CR1: variants seen among roughly 807,000 people sequenced by gnomAD.
CR1 encodes complement C3b/C4b receptor 1 (Knops blood group), also known as complement receptor type 1.
In CR1, 116 loss-of-function variants were observed where a neutral mutation model predicts 187.3. That is an observed-to-expected ratio of 0.62 (90% CI 0.53 to 0.72). CR1 has a LOEUF of 0.72. Ranked by LOEUF, CR1 falls within the 30% of genes least tolerant of loss-of-function variation. The pLI, the probability that CR1 is intolerant of heterozygous loss-of-function variation, is 0.00. For missense variants in CR1, 1,731 were observed against 2,110.7 expected, an observed-to-expected ratio of 0.82 and a Z score of 3.52; for synonymous variants, 576 against 747.1, an observed-to-expected ratio of 0.77 and a Z score of 3.73.
At chr1:207,597,810 G>C (rs1037533466) in intron 35 of CR1, among the ~76,000 whole-genome samples, 2 of 152,184 alleles carry the variant, frequency 1.3e-5, no homozygotes, top group Non-Finnish European at 2.9e-5. Flanking sequence ...GTCCGTAGCA[G>C]CTTTGTTCAA....
At chr1:207,564,868 A>C (rs1332420709) in intron 23 of CR1, among the ~76,000 whole-genome samples, 1 of 150,448 alleles carries the variant, frequency 6.6e-6, no homozygotes, top group Non-Finnish European at 1.5e-5. Context: ...GAAAAATTGC[A>C]AGTAATGAAA....
intron 35 of CR1, among the ~76,000 whole-genome samples, chr1:207,593,286 G>A (rs566838471): frequency 6.6e-6 from 1 of 151,958 alleles, no homozygotes; most frequent in Non-Finnish European, 1.5e-5. Flanking sequence ...CAGAACAGAG[G>A]CCTCAGAAAT....
At chr1:207,590,285 A>G (rs143923368) in intron 35 of CR1, among the ~76,000 whole-genome samples, 3,256 of 152,314 alleles carry the variant, frequency 0.021, 64 homozygotes, top group Non-Finnish European at 0.029. Context: ...TACAAGCCAG[A>G]AGAGAGTGGG....
At chr1:207,603,576 G>C (rs1661665783) in intron 35 of CR1, among the ~76,000 whole-genome samples, 1 of 152,012 alleles carries the variant, frequency 6.6e-6, no homozygotes, top group Admixed American at 6.6e-5. Flanking sequence ...AGATGAGTAA[G>C]ATTTTAACAG....
chr1:207,636,885 G>A (rs1662831059), intron 46 of CR1, among the ~76,000 whole-genome samples: 1 of 152,172 alleles, frequency 6.6e-6, no homozygotes, highest in Non-Finnish European at 1.5e-5. Context: ...TTGAATAAAT[G>A]CAAGTAAACA....
At chr1:207,627,380 G>A (rs983889475) in intron 45 of CR1, among the ~76,000 whole-genome samples, 6 of 152,190 alleles carry the variant, frequency 3.9e-5, no homozygotes, top group African/African-American at 1.4e-4. Context: ...CTGGGACAAA[G>A]AGAGTCTCAA....
At position 207,601,968 on chromosome 1, in the gene CR1, G is replaced by C. The variant is rs567301007; in HGVS notation, c.5811-5283G>C. ...TCCAAAGGACAGCTGGCCTCTCCCAGAATGAGCATCTCAAAAAGAGAAGAA... is the reference window on the plus strand; with the variant it reads ...TCCAAAGGACAGCTGGCCTCTCCCACAATGAGCATCTCAAAAAGAGAAGAA... On this transcript the variant is annotated intron_variant, in intron 35 of 46. Transcript: ENST00000367049. Among the ~76,000 whole-genome samples the C allele has an allele frequency of 2.6e-5, 4 of 152,138 alleles. No individual in the cohort carries two copies. In the East Asian group the frequency reaches 7.7e-4, roughly 29 times the overall value.
rs752479865 is a variant in CR1, at chr1:207,584,642, T to C, written c.5303-7T>C. ...TATGGAATTGAGAGCTCTTGTTTTC[T>C]TTCTAGATATCTTTTGTCCAAATCC... On this transcript the variant is annotated splice_polypyrimidine_tract_variant and splice_region_variant and intron_variant, in intron 32 of 46. Transcript: ENST00000367049. The C allele has an allele frequency of 1.1e-5, 18 of 1,612,278 alleles. No individual in the cohort carries two copies. The highest frequency in any genetic ancestry group is 1.7e-4 in the Middle Eastern group (1 of 6,056).
At chr1:207,565,962 C>G (rs1446839731) in intron 24 of CR1, 39 bp downstream of exon 24, 3 of 1,608,558 alleles carry the variant, frequency 1.9e-6, no homozygotes, top group Middle Eastern at 3.3e-4. Flanking sequence ...AATCTCTCCC[C>G]TTCATCTGTT....
Position 207,587,518 on chromosome 1 carries a change from C to T in CR1, c.5663C>T (p.Ser1888Phe), listed in dbSNP as rs760533167. ...TATTTTGGGAAAATGTTCTCTATCT[C>T]CTGCCTAGAAAACTTGGTCTGGTCA... Reference protein sequence around the residue: ...PGYFGKMFSISCLENLVWSSV... With the variant: ...PGYFGKMFSIFCLENLVWSSV... Residue 1888 changes from serine to phenylalanine, a missense_variant, in exon 34 of 47, where the codon TCC (serine) becomes TTC (phenylalanine). Physicochemically the swap from Ser to Phe is radical, Grantham distance 155 (BLOSUM62 -2). Coordinates refer to ENST00000367049, the MANE Select transcript of CR1 (RefSeq NM_000651.6). The T allele has an allele frequency of 1.2e-4, 195 of 1,613,830 alleles. No individual in the cohort carries two copies. Among genetic ancestry groups the T allele is most frequent in the Non-Finnish European group, 1.6e-4 (188 of 1,179,854 alleles).
intron 46 of CR1, among the ~76,000 whole-genome samples, chr1:207,631,283 C>A (rs771634146): frequency 2.6e-5 from 4 of 152,148 alleles, no homozygotes; most frequent in Non-Finnish European, 5.9e-5. Context: ...AACTAGTACA[C>A]CAGGGACCTG....
chr1:207,621,996 G>C lies in CR1; in HGVS notation c.7276G>C (p.Gly2426Arg). Residue 2426 changes from glycine (G) to arginine (R), a missense_variant and splice_region_variant, in exon 44 of 47, where the codon GGC becomes CGC. This residue lies in a region of CR1 where 1,312 missense variants were observed against 1,379.6 expected (regional missense o/e 0.95). Transcript: ENST00000367049. The stretch of plus-strand genomic sequence containing the variant: ...AGGTACACATGATGCTCTCATAGTT[G>C]GTAAGTTTTATGAAAGTTTTGCTGA... ...TSRTHDALIV[G>R]TLSGTIFFIL... is the part of the protein sequence containing the mutation. 6.3e-7 allele frequency: 1 copy of C among 1,596,448 alleles called. No individual in the cohort carries two copies. The highest frequency in any genetic ancestry group is 8.5e-7 in the Non-Finnish European group (1 of 1,169,884).
intron 35 of CR1, among the ~76,000 whole-genome samples, chr1:207,601,390 A>G (rs756484505): frequency 3.3e-5 from 5 of 152,280 alleles, no homozygotes; most frequent in Non-Finnish European, 5.9e-5. Flanking sequence ...TGATAAACCC[A>G]TATCTGTTTG....
At chr1:207,506,105 A>G (rs901294259) in intron 2 of CR1, 22 bp downstream of exon 2, 1 of 1,607,008 alleles carries the variant, frequency 6.2e-7, no homozygotes, top group Admixed American at 1.7e-5. Context: ...TGGAGTGGGA[A>G]CCCCCCTGTT....
At position 207,609,316 on chromosome 1, in the gene CR1, A is replaced by T; in HGVS notation, c.5923A>T (p.Ile1975Leu). 1 of 1,613,686 alleles carries T rather than the reference A, an allele frequency of 6.2e-7. No homozygotes were observed. The highest frequency in any genetic ancestry group is 8.5e-7 in the Non-Finnish European group (1 of 1,179,644). Reference sequence around the variant, plus strand: ...CATATCTTGTGAGCCACCTCCAACCATATCCAATGGAGACTTCTACAGCAA... The same window carrying T: ...CATATCTTGTGAGCCACCTCCAACCTTATCCAATGGAGACTTCTACAGCAA... ...EIISCEPPPT[I>L]SNGDFYSNNR... The change falls in exon 37 of 47, where the codon ATA becomes TTA. Residue 1975 changes from isoleucine (I) to leucine (L), a missense_variant. By Grantham distance (5) the Ile-to-Leu change is conservative. Around this residue, in one of 5 missense-constraint regions of CR1, gnomAD observed 1,312 missense variants for 1,379.6 expected, o/e 0.95. Transcript: ENST00000367049.
chr1:207,615,101 G>A (rs941143955), intron 40 of CR1, among the ~76,000 whole-genome samples: 5 of 152,130 alleles, frequency 3.3e-5, no homozygotes, highest in African/African-American at 7.2e-5. Context: ...GAGCCACCAT[G>A]CCCAGCCAAA....
chr1:207,520,968 G>GTTTTTTTTTTTTTTTTTTTT (rs141546660), intron 4 of CR1, among the ~76,000 whole-genome samples: 4 of 44,572 alleles, frequency 9.0e-5, no homozygotes, highest in Admixed American at 3.5e-4. Flanking sequence ...TTTTTTGGTT[G>GTTTTTTTTTTTTTTTTTTTT]TTTTTTTTTT....
At chr1:207,567,720 C>T in intron 24 of CR1, 104 bp from the exon 25 acceptor site, 1 of 1,431,284 alleles carries the variant, frequency 7.0e-7, no homozygotes, top group Non-Finnish European at 9.6e-7. Context: ...CTACTGTCAT[C>T]TCCTTAGCAT....
In CR1 at chr1:207,564,365, C is replaced by T. The variant is rs909552779; in HGVS notation, c.3866+131C>T. ...ACACACCTTCAGAGAGATGAACTTT[C>T]GAAAGTATACCTAGGAAGAAAGGAA... is the stretch of plus-strand genomic sequence containing the variant. On this transcript the variant is annotated intron_variant, in intron 23 of 46. Transcript: ENST00000367049. 145 of 1,281,466 alleles carry T rather than the reference C, an allele frequency of 1.1e-4. 2 individuals are homozygous for T. The highest frequency in any genetic ancestry group is 1.4e-4 in the Non-Finnish European group (131 of 927,580). 79.4% of individuals were successfully genotyped at this position (1,281,466 alleles called of 1,614,324 possible).
Sources: allele counts gnomAD v4.1 joint callset (sites outside exome capture counted in the v4.1 genomes callset), GRCh38; gene constraint gnomAD v4.1.1; regional missense constraint gnomAD v4.1.1; transcripts MANE v1.5; gene names NCBI Gene and HGNC (gene_info 2026-07-23, HGNC 2026-07-21).